The following FBRSL1 variants were observed in gnomAD, a reference collection of about 807,000 sequenced individuals.
The protein encoded by FBRSL1 is fibrosin-1-like protein.
Under a neutral mutation model 89.6 loss-of-function variants are expected in FBRSL1, and 51 were observed. The ratio of observed to expected loss-of-function variants is 0.57; its 90% CI spans 0.45 to 0.72. FBRSL1 has a LOEUF of 0.72. Ranked by LOEUF, FBRSL1 falls within the 30% of genes least tolerant of loss-of-function variation. The pLI is 0.00. For synonymous variants in FBRSL1, 779 were observed against 681.1 expected (o/e 1.14, Z -2.24); for missense variants, 1,618 against 1,451.8 (o/e 1.11, Z -1.86).
intron 4 of FBRSL1, among the ~76,000 whole-genome samples, chr12:132,535,075 C>T (rs1219553437): frequency 6.6e-6 from 1 of 152,206 alleles, no homozygotes; most frequent in Non-Finnish European, 1.5e-5. Flanking sequence ...TCTGGGGTGC[C>T]CATCAAGCTG....
chr12:132,562,073 C>T (rs1301614076), intron 5 of FBRSL1, among the ~76,000 whole-genome samples: 4 of 152,198 alleles, frequency 2.6e-5, no homozygotes, highest in Admixed American at 1.3e-4. Flanking sequence ...CTTCACTATT[C>T]CTCCTGTTTC....
intron 4 of FBRSL1, among the ~76,000 whole-genome samples, chr12:132,539,458 C>A: frequency 8.1e-6 from 1 of 124,060 alleles, no homozygotes; most frequent in Non-Finnish European, 1.7e-5. Flanking sequence ...CCAGTCCTGC[C>A]CTCCAGCCCG....
At chr12:132,497,989 G>A (rs1437066781) in intron 1 of FBRSL1, among the ~76,000 whole-genome samples, 2 of 152,190 alleles carry the variant, frequency 1.3e-5, no homozygotes, top group African/African-American at 4.8e-5. Flanking sequence ...TCGTGTGGCA[G>A]CAGCTGGGAG....
At chr12:132,574,636 CATG>C in intron 14 of FBRSL1, 72 bp downstream of exon 14, 1 of 1,509,092 alleles carries the variant, frequency 6.6e-7, no homozygotes, top group Non-Finnish European at 8.9e-7. Flanking sequence ...GAAGGCCAGG[CATG>C]AGGCTGTGTG....
chr12:132,572,647 G>A (rs1172052953), intron 11 of FBRSL1, 25 bp downstream of exon 11: 1 of 1,493,702 alleles, frequency 6.7e-7, no homozygotes, highest in Non-Finnish European at 9.1e-7. Flanking sequence ...GGCAGGTGGG[G>A]CGGGCACAGC....
chr12:132,564,141 C>T (rs950612925), intron 5 of FBRSL1, among the ~76,000 whole-genome samples: 18 of 152,222 alleles, frequency 1.2e-4, no homozygotes, highest in African/African-American at 3.9e-4. Flanking sequence ...GAGGCAGACG[C>T]GCTCACTGTT....
chr12:132,525,058 G>A (rs910299922), intron 2 of FBRSL1, among the ~76,000 whole-genome samples: 43 of 152,226 alleles, frequency 2.8e-4, no homozygotes, highest in African/African-American at 8.9e-4. Context: ...GGGTGGTGGC[G>A]GTGGGCGTGG....
At chr12:132,501,827 C>T (rs2033007330) in intron 1 of FBRSL1, among the ~76,000 whole-genome samples, 1 of 152,174 alleles carries the variant, frequency 6.6e-6, no homozygotes, top group African/African-American at 2.4e-5. Context: ...GCAGGACACC[C>T]AGGCCCGTGG....
At chr12:132,512,866 A>T (rs1295027753) in intron 2 of FBRSL1, among the ~76,000 whole-genome samples, 1 of 152,194 alleles carries the variant, frequency 6.6e-6, no homozygotes, top group African/African-American at 2.4e-5. Flanking sequence ...TGGAGGAAAC[A>T]TTCAGGACCC....
chr12:132,536,861 G>A (rs904287609), intron 4 of FBRSL1, among the ~76,000 whole-genome samples: 33 of 152,250 alleles, frequency 2.2e-4, no homozygotes, highest in Non-Finnish European at 3.2e-4. Context: ...GTGAGTGCAC[G>A]TGTGTACATA....
Position 132,582,993 on chromosome 12 carries a change from C to T in FBRSL1, c.2224C>T (p.Leu742=). The part of the protein sequence containing the change: ...QERDLLEKTR[L]LSRASPATPA... The stretch of plus-strand genomic sequence containing the variant: ...CAGGGACCTCCTGGAGAAGACGCGC[C>T]TGCTGAGCCGGGCCTCGCCCGCCAC... Residue 742 remains leucine (L), a synonymous_variant, in exon 19 of 19, where the codon CTG becomes TTG. Coordinates refer to ENST00000680143, the MANE Select transcript of FBRSL1 (RefSeq NM_001367871.1). 6.2e-6 allele frequency: 9 copies of T among 1,449,182 alleles called. No individual in the cohort carries two copies. Among genetic ancestry groups the T allele is most frequent in the African/African-American group, 1.5e-5 (1 of 66,820 alleles). 89.8% of individuals were successfully genotyped at this position (1,449,182 alleles called of 1,614,324 possible).
At chr12:132,562,784 C>T (rs2137667655) in intron 5 of FBRSL1, among the ~76,000 whole-genome samples, 1 of 152,200 alleles carries the variant, frequency 6.6e-6, no homozygotes, top group South Asian at 2.1e-4. Flanking sequence ...ATCTTACAGG[C>T]ATGGACCTGC....
rs116121068 is a variant in FBRSL1, at chr12:132,540,610, C to T, written c.616-7393C>T. Among the ~76,000 whole-genome samples, 859 of 152,152 alleles carry T rather than the reference C, an allele frequency of 5.6e-3. 6 individuals are homozygous for T. Among genetic ancestry groups the T allele is most frequent in the African/African-American group, 0.019 (777 of 41,512 alleles). On this transcript the variant is annotated intron_variant, in intron 4 of 18. Coordinates refer to ENST00000680143, the MANE Select transcript of FBRSL1 (RefSeq NM_001367871.1). ...AGTGGACTCCACACGCCCCCTGACCCGCCCACCACACACTGTCACTGCCAG... is the reference window on the plus strand; with the variant it reads ...AGTGGACTCCACACGCCCCCTGACCTGCCCACCACACACTGTCACTGCCAG...
chr12:132,560,780 C>T (rs1254890369), intron 5 of FBRSL1, among the ~76,000 whole-genome samples: 3 of 152,356 alleles, frequency 2.0e-5, no homozygotes, highest in South Asian at 4.1e-4. Context: ...GACCCGGAGT[C>T]CTCCCACCTG....
intron 4 of FBRSL1, among the ~76,000 whole-genome samples, chr12:132,542,171 C>A (rs1466849573): frequency 2.6e-5 from 4 of 152,246 alleles, no homozygotes; most frequent in Admixed American, 2.6e-4. Flanking sequence ...CAGGAACTGG[C>A]ACACGCAGGA....
At chr12:132,541,313 G>A (rs1193517761) in intron 4 of FBRSL1, among the ~76,000 whole-genome samples, 1 of 152,210 alleles carries the variant, frequency 6.6e-6, no homozygotes, top group African/African-American at 2.4e-5. Context: ...TTCTATGCCA[G>A]TACCGTGGAT....
At chr12:132,582,313 G>A (rs1455836680) in intron 18 of FBRSL1, 47 bp downstream of exon 18, 8 of 1,447,394 alleles carry the variant, frequency 5.5e-6, no homozygotes, top group African/African-American at 1.6e-5. Flanking sequence ...CCCCTACCCC[G>A]TTCTTTCCCC....
Position 132,583,259 on chromosome 12 carries a change from C to G in FBRSL1, c.2490C>G (p.Gly830=). 1 of 1,332,920 alleles carries G rather than the reference C, an allele frequency of 7.5e-7. No homozygotes were observed. Among genetic ancestry groups the G allele is most frequent in the Non-Finnish European group, 9.6e-7 (1 of 1,042,690 alleles). 82.6% of individuals were successfully genotyped at this position (1,332,920 alleles called of 1,614,324 possible). Residue 830 remains glycine (G), a synonymous_variant, in exon 19 of 19, where the codon GGC becomes GGG. Coordinates refer to ENST00000680143, the MANE Select transcript of FBRSL1 (RefSeq NM_001367871.1). ...AGGCCTCCGAGCCCCCGGCGGGCGG[C>G]CTGCACCCCGCGCCCCTGCAGCTCG... ...EDEASEPPAG[G]LHPAPLQLGL... is the part of the protein sequence containing the mutation.
intron 11 of FBRSL1, 87 bp downstream of exon 11, chr12:132,572,709 C>A: frequency 1.1e-6 from 1 of 911,618 alleles, no homozygotes; most frequent in Non-Finnish European, 1.7e-6. Flanking sequence ...AACTCTCTGC[C>A]CACAACCACC....
Sources: allele counts gnomAD v4.1 joint callset (sites outside exome capture counted in the v4.1 genomes callset), GRCh38; gene constraint gnomAD v4.1.1; transcripts MANE v1.5; gene names NCBI Gene and HGNC (gene_info 2026-07-23, HGNC 2026-07-21).